HSF5: variants seen among roughly 807,000 people sequenced by gnomAD.
The protein encoded by HSF5 is heat shock transcription factor 5.
HSF5 carries 5 observed loss-of-function variants against 50.8 expected under a neutral mutation model. The observed-to-expected ratio is 0.10, with a 90% CI of 0.05 to 0.21. The LOEUF (loss-of-function observed/expected upper bound fraction) is 0.21. Ranked by LOEUF, HSF5 falls within the 10% of genes least tolerant of loss-of-function variation. The probability of loss-of-function intolerance (pLI) is 1.00; values close to 1 mark genes in which losing one functional copy is unlikely to be tolerated. For missense variants in HSF5, 564 were observed against 762.6 expected, an observed-to-expected ratio of 0.74 and a Z score of 3.07; for synonymous variants, 307 against 307.4, an observed-to-expected ratio of 1.00 and a Z score of 0.02.
chr17:58,439,211 C>T (rs1974467042), intron 5 of HSF5, among the ~76,000 whole-genome samples: 1 of 149,686 alleles, frequency 6.7e-6, no homozygotes, highest in Non-Finnish European at 1.5e-5. Context: ...CAAATCTTGT[C>T]AACAGAGCTT....
chr17:58,465,766 C>T (rs1974857740), intron 3 of HSF5, among the ~76,000 whole-genome samples: 1 of 152,080 alleles, frequency 6.6e-6, no homozygotes, highest in South Asian at 2.1e-4. Context: ...TTGGCAGTTA[C>T]AGCATAAAAA....
chr17:58,460,156 A>G (rs2143776879), intron 4 of HSF5, among the ~76,000 whole-genome samples: 1 of 151,898 alleles, frequency 6.6e-6, no homozygotes, highest in Non-Finnish European at 1.5e-5. Flanking sequence ...TACCTAGGAC[A>G]CAGGTGTATG....
Position 58,477,971 on chromosome 17 carries a change from C to T in HSF5, c.925+1922G>A, listed in dbSNP as rs1285160783. On this transcript the variant is annotated intron_variant, in intron 2 of 5. Transcript: ENST00000323777. ...TAATTCACAGGGCAAAGGAATGCCC[C>T]CTTTCTTCTCTTTCTGGTCTTTTCT... Among the ~76,000 whole-genome samples, 3 of 151,940 alleles carry T rather than the reference C, an allele frequency of 2.0e-5. No homozygotes were observed. The East Asian group carries it at 5.8e-4, about 29-fold the overall frequency.
At chr17:58,430,150 T>G (rs1974344235) in intron 5 of HSF5, among the ~76,000 whole-genome samples, 2 of 152,146 alleles carry the variant, frequency 1.3e-5, no homozygotes, top group African/African-American at 4.8e-5. Flanking sequence ...CTGGGCTCAC[T>G]GCAACCTCTG....
intron 5 of HSF5, among the ~76,000 whole-genome samples, chr17:58,441,693 G>A (rs1000184393): frequency 6.6e-6 from 1 of 152,238 alleles, no homozygotes; most frequent in African/African-American, 2.4e-5. Flanking sequence ...CTCTTGGAAG[G>A]GAACGCCAGA....
chr17:58,479,775 G>T, intron 2 of HSF5, 118 bp downstream of exon 2: 3 of 816,338 alleles, frequency 3.7e-6, no homozygotes, highest in Non-Finnish European at 5.6e-6. Context: ...CATTTCTTAG[G>T]TGTACATTCC....
In HSF5 at chr17:58,463,257, T is replaced by C. The variant is rs144163832; in HGVS notation, c.1067A>G (p.Asn356Ser). The change falls in exon 4 of 6, where the codon AAT (asparagine) becomes AGT (serine). Residue 356 changes from asparagine to serine, a missense_variant. Transcript: ENST00000323777. ...TTCATCAGTAGTACTGCAGGGCCAA[T>C]TGGAAGGCAAAAATTCAACTGGATA... is the stretch of plus-strand genomic sequence containing the variant. ...SSYPVEFLPSNWPCSTTDENT... is the reference protein window; with the variant it reads ...SSYPVEFLPSSWPCSTTDENT... The C allele has an allele frequency of 2.0e-5, 33 of 1,613,870 alleles. No homozygotes were observed. Among genetic ancestry groups the C allele is most frequent in the Non-Finnish European group, 2.7e-5 (32 of 1,179,922 alleles).
chr17:58,430,097 TCTCA>T (rs1974343531), intron 5 of HSF5, among the ~76,000 whole-genome samples: 1 of 151,906 alleles, frequency 6.6e-6, no homozygotes, highest in Non-Finnish European at 1.5e-5. Context: ...TCAGATGGAG[TCTCA>T]CTCATTCTGT....
At chr17:58,426,404 C>T (rs994953579) in intron 5 of HSF5, among the ~76,000 whole-genome samples, 26 of 152,142 alleles carry the variant, frequency 1.7e-4, no homozygotes, top group African/African-American at 2.7e-4. Flanking sequence ...GAGGTTTATA[C>T]GCCTTCACTC....
At chr17:58,443,359 C>G (rs1013881962) in intron 5 of HSF5, among the ~76,000 whole-genome samples, 6 of 152,108 alleles carry the variant, frequency 3.9e-5, no homozygotes, top group Admixed American at 6.5e-5. Context: ...ACAGAGATTT[C>G]TAAGTCCCAC....
At chr17:58,456,025 T>C (rs561363471) in intron 5 of HSF5, among the ~76,000 whole-genome samples, 87 of 152,232 alleles carry the variant, frequency 5.7e-4, no homozygotes, top group Admixed American at 3.3e-3. Flanking sequence ...AAGAGACATC[T>C]CCACACCCGT....
At chr17:58,480,902 C>T (rs1446326603) in intron 1 of HSF5, among the ~76,000 whole-genome samples, 1 of 152,134 alleles carries the variant, frequency 6.6e-6, no homozygotes, top group Non-Finnish European at 1.5e-5. Flanking sequence ...ATCCTCCCAC[C>T]TCAGCCTCCT....
chr17:58,425,555 A>G (rs1245528816), intron 5 of HSF5, among the ~76,000 whole-genome samples: 2 of 146,076 alleles, frequency 1.4e-5, no homozygotes, highest in Non-Finnish European at 3.0e-5. Context: ...AGCCTGGGCA[A>G]CATAGTAAGA....
intron 5 of HSF5, among the ~76,000 whole-genome samples, chr17:58,422,842 T>C (rs910121068): frequency 1.3e-5 from 2 of 151,854 alleles, no homozygotes; most frequent in Non-Finnish European, 2.9e-5. Flanking sequence ...ATTACAGGCA[T>C]GCACCACCAC....
At chr17:58,446,539 G>A (rs2680713) in intron 5 of HSF5, among the ~76,000 whole-genome samples, 1 of 151,972 alleles carries the variant, frequency 6.6e-6, no homozygotes, top group Admixed American at 6.5e-5. Flanking sequence ...CATGGAAGGG[G>A]CATTCAGATC....
At chr17:58,471,578 G>A (rs1055708655) in intron 2 of HSF5, among the ~76,000 whole-genome samples, 1 of 151,410 alleles carries the variant, frequency 6.6e-6, no homozygotes, top group Admixed American at 6.6e-5. Context: ...AGAACTGCAT[G>A]CCAAAATGGA....
intron 2 of HSF5, among the ~76,000 whole-genome samples, chr17:58,472,935 T>A (rs1356975122): frequency 6.6e-6 from 1 of 152,074 alleles, no homozygotes; most frequent in Non-Finnish European, 1.5e-5. Flanking sequence ...ATTGCTGTTG[T>A]CCACCCTATC....
chr17:58,425,668 GTAA>G (rs1323064509), intron 5 of HSF5, among the ~76,000 whole-genome samples: 1 of 147,448 alleles, frequency 6.8e-6, no homozygotes, highest in East Asian at 2.0e-4. Flanking sequence ...TGAAGTTTAA[GTAA>G]TAATGATAAT....
At chr17:58,452,713 G>A (rs1036720673) in intron 5 of HSF5, among the ~76,000 whole-genome samples, 3 of 152,190 alleles carry the variant, frequency 2.0e-5, no homozygotes, top group African/African-American at 4.8e-5. Context: ...TCTGCCCAGC[G>A]GCCGCACCAT....
Sources: gnomAD v4.1 joint callset for allele counts (sites outside exome capture counted in the v4.1 genomes callset) on GRCh38, gnomAD v4.1.1 for gene constraint, MANE v1.5 for transcripts, NCBI Gene and HGNC (gene_info 2026-07-23, HGNC 2026-07-21) for gene names.